UBXN8: variants seen among roughly 807,000 people sequenced by gnomAD.
UBXN8 encodes UBX domain protein 8.
UBXN8 carries 27 observed loss-of-function variants against 32.1 expected under a neutral mutation model. The observed-to-expected ratio is 0.84, with a 90% CI of 0.62 to 1.16. The LOEUF (loss-of-function observed/expected upper bound fraction) is 1.16, where lower values mean the gene tolerates loss of function less well. UBXN8 is among the 50% of genes most tolerant of loss of function. The pLI is 0.00. For synonymous variants in UBXN8, 109 were observed against 111.8 expected (o/e 0.98, Z 0.16); for missense variants, 306 against 311.4 (o/e 0.98, Z 0.13).
chr8:30,733,972 T>A (rs1172447404), intron 1 of UBXN8: 1 of 152,250 alleles, frequency 6.6e-6, no homozygotes, highest in African/African-American at 2.4e-5. Context: ...TCTCCCAAGC[T>A]GTAGAGACTG....
intron 1 of UBXN8, chr8:30,734,352 T>G (rs1348801121): frequency 6.6e-6 from 1 of 152,186 alleles, no homozygotes; most frequent in African/African-American, 2.4e-5. Context: ...GTGCAGTAGC[T>G]CACACTTGTA....
rs879243117 is a variant in UBXN8 at position 30,756,801 on chromosome 8, T to C, written c.442T>C (p.Ser148Pro). 1 of 1,614,038 alleles carries C rather than the reference T, an allele frequency of 6.2e-7. No individual in the cohort carries two copies. The highest frequency in any genetic ancestry group is 8.5e-7 in the Non-Finnish European group (1 of 1,179,900). Residue 148 changes from serine (S) to proline (P), a missense_variant, in exon 5 of 8, where the codon TCA becomes CCA. By Grantham distance (74) the Ser-to-Pro change is moderately conservative (BLOSUM62 -1). Transcript: ENST00000265616. ...EGTSQTSFET[S>P]NREAAKSQNL... ...TACAAGTCAGACATCTTTTGAAACATCAAACAGAGAAGCAGCAAAGAGCCA... is the reference window on the plus strand; with the variant it reads ...TACAAGTCAGACATCTTTTGAAACACCAAACAGAGAAGCAGCAAAGAGCCA...
rs1372593822 is a variant in UBXN8, at chr8:30,746,626, G to A, written c.88+2349G>A. ...CAACTTCCGCCTTCTGGGTTCCAGCGATTCTCCTGCCTTAGCCTCCTGAGT... is the reference window on the plus strand; with the variant it reads ...CAACTTCCGCCTTCTGGGTTCCAGCAATTCTCCTGCCTTAGCCTCCTGAGT... On this transcript the variant is annotated intron_variant, in intron 1 of 7. Transcript: ENST00000265616. Among the ~76,000 whole-genome samples the A allele has an allele frequency of 3.7e-5, 5 of 136,818 alleles. 1 individual carries two copies. The highest frequency in any genetic ancestry group is 5.2e-4 in the South Asian group (2 of 3,840). 89.8% of individuals were successfully genotyped at this position (136,818 alleles called of 152,430 possible).
chr8:30,739,003 T>C (rs764185798), intron 1 of UBXN8, among the ~76,000 whole-genome samples: 4 of 150,782 alleles, frequency 2.7e-5, no homozygotes, highest in Non-Finnish European at 4.4e-5. Flanking sequence ...TTCATGTATA[T>C]AATATTCTTG....
At chr8:30,762,550 G>A (rs972486169) in intron 6 of UBXN8, among the ~76,000 whole-genome samples, 27 of 151,926 alleles carry the variant, frequency 1.8e-4, no homozygotes, top group Non-Finnish European at 4.4e-5. Context: ...ACGCCACAAT[G>A]CCTGGCTAAT....
intron 1 of UBXN8, among the ~76,000 whole-genome samples, chr8:30,737,221 C>G (rs1805085546): frequency 1.3e-5 from 2 of 151,516 alleles, no homozygotes; most frequent in African/African-American, 4.8e-5. Flanking sequence ...TTTTCTCCTG[C>G]TTGTGTTACC....
At chr8:30,748,959 A>G (rs1369087101) in intron 1 of UBXN8, among the ~76,000 whole-genome samples, 1 of 152,232 alleles carries the variant, frequency 6.6e-6, no homozygotes, top group African/African-American at 2.4e-5. Context: ...TAAAAACACA[A>G]AACGAGTAAA....
upstream of UBXN8, chr8:30,744,063 C>A: frequency 1.3e-6 from 1 of 774,832 alleles, no homozygotes; most frequent in Non-Finnish European, 2.1e-6. Context: ...AACGACACGG[C>A]CGTCAGTATT....
At chr8:30,755,947 A>G (rs1390566360) in intron 4 of UBXN8, among the ~76,000 whole-genome samples, 1 of 151,868 alleles carries the variant, frequency 6.6e-6, no homozygotes, top group African/African-American at 2.4e-5. Flanking sequence ...TTTTAAGTCA[A>G]ATTAAACTTT....
At position 30,754,467 on chromosome 8, in the gene UBXN8, C is replaced by G. The variant is rs916693384; in HGVS notation, c.283-198C>G. 48 of 667,884 alleles carry G rather than the reference C, an allele frequency of 7.2e-5. No individual in the cohort carries two copies. In the Admixed American group the frequency reaches 1.0e-3, roughly 14 times the overall value. 41.4% of individuals were successfully genotyped at this position (667,884 alleles called of 1,614,324 possible). ...TTGATACTGTCATAATCAGGCAGGT[C>G]AAAAACAAATGCCTGTCCCGCTTGC... On this transcript the variant is annotated intron_variant, in intron 3 of 7. Transcript: ENST00000265616.
chr8:30,761,022 A>AT, intron 6 of UBXN8, 93 bp downstream of exon 6: 6 of 885,210 alleles, frequency 6.8e-6, no homozygotes, highest in Non-Finnish European at 8.4e-6. Flanking sequence ...TTGGGTTTAG[A>AT]AAGAAGTGAT....
chr8:30,763,418 G>C, intron 7 of UBXN8, 71 bp downstream of exon 7: 1 of 1,431,414 alleles, frequency 7.0e-7, no homozygotes, highest in Non-Finnish European at 9.8e-7. Flanking sequence ...ACATGCCGTG[G>C]GGGAAGGTGT....
At chr8:30,763,399 A>G in intron 7 of UBXN8, 52 bp downstream of exon 7, 8 of 1,535,064 alleles carry the variant, frequency 5.2e-6, no homozygotes, top group African/African-American at 1.4e-5. Context: ...ATATGGCAGT[A>G]GTTTATTCAC....
chr8:30,748,600 G>A lies in UBXN8; in HGVS notation c.89-2796G>A, dbSNP rs191662836. Reference sequence around the variant, plus strand: ...CTGTTGCCCAGGCTAGAGTGCAATGGCATGATCTCTGCTCACTGCATCCTC... The same window carrying A: ...CTGTTGCCCAGGCTAGAGTGCAATGACATGATCTCTGCTCACTGCATCCTC... On this transcript the variant is annotated intron_variant, in intron 1 of 7. Coordinates refer to ENST00000265616, the MANE Select transcript of UBXN8 (RefSeq NM_005671.4). 3.8e-3 allele frequency among the ~76,000 whole-genome samples: 584 copies of A among 151,940 alleles called. 2 individuals carry two copies. Among genetic ancestry groups the A allele is most frequent in the African/African-American group, 0.013 (536 of 41,434 alleles).
chr8:30,758,887 TTTTTTTG>T (rs1433692747), intron 5 of UBXN8, among the ~76,000 whole-genome samples: 7 of 128,590 alleles, frequency 5.4e-5, no homozygotes, highest in Non-Finnish European at 8.3e-5. Flanking sequence ...TTTTGTTTGT[TTTTTTTG>T]TTTTTTTTTT....
chr8:30,753,234 C>T (rs1385997750), intron 3 of UBXN8, 129 bp downstream of exon 3: 2 of 1,244,904 alleles, frequency 1.6e-6, no homozygotes, highest in Non-Finnish European at 2.1e-6. Flanking sequence ...GTCAAATTCA[C>T]GTGACATAAA....
At chr8:30,739,346 C>T (rs967917018), upstream of UBXN8, among the ~76,000 whole-genome samples, 1 of 150,856 alleles carries the variant, frequency 6.6e-6, no homozygotes, top group African/African-American at 2.4e-5. Context: ...AGATCAAGAC[C>T]ATCCTGGCTA....
intron 2 of UBXN8, among the ~76,000 whole-genome samples, chr8:30,752,146 T>TCCC (rs1664132327): frequency 6.6e-6 from 1 of 152,336 alleles, no homozygotes; most frequent in South Asian, 2.1e-4. Context: ...CACCTCGGCC[T>TCCC]CCCGATGTGT....
chr8:30,754,756 C>G lies in UBXN8; in HGVS notation c.374C>G (p.Ala125Gly), dbSNP rs756601449. ...CGCTTTTATCAAATGACGGGTGAAG[C>G]CTGGAAATTAAGCAGTGGTCACAAA... is the stretch of plus-strand genomic sequence containing the variant. ...EERFYQMTGE[A>G]WKLSSGHKLG... Residue 125 changes from alanine to glycine, a missense_variant, in exon 4 of 8, where the codon GCC becomes GGC. Ala to Gly is a moderately conservative substitution (Grantham distance 60, BLOSUM62 0). Transcript: ENST00000265616. 1.9e-6 allele frequency: 3 copies of G among 1,557,710 alleles called. No homozygotes were observed. The highest frequency in any genetic ancestry group is 2.4e-5 in the East Asian group (1 of 41,570).
Sources: allele counts gnomAD v4.1 joint callset (sites outside exome capture counted in the v4.1 genomes callset), GRCh38; gene constraint gnomAD v4.1.1; transcripts MANE v1.5; gene names NCBI Gene and HGNC (gene_info 2026-07-23, HGNC 2026-07-21).